ATP9A: variants seen among roughly 807,000 people sequenced by gnomAD.
ATP9A encodes the protein probable phospholipid-transporting ATPase IIA.
A neutral mutation model predicts 144.1 loss-of-function variants in ATP9A; 52 were observed. The ratio of observed to expected loss-of-function variants is 0.36; its 90% CI spans 0.29 to 0.45. ATP9A has a LOEUF of 0.45. Among genes scored for constraint, ATP9A ranks in the 20% least tolerant of loss-of-function variants. ATP9A has a pLI of 1.00. For missense variants in ATP9A, 947 were observed against 1,392.7 expected, an observed-to-expected ratio of 0.68 and a Z score of 5.09; for synonymous variants, 582 against 557.4, an observed-to-expected ratio of 1.04 and a Z score of -0.62.
Position 51,736,309 on chromosome 20 carries a change from A to G in ATP9A, c.69-6331T>C, listed in dbSNP as rs570209925. ...GGGCAAGGAGTCTAGATGTTACTCC[A>G]TACACAGTGTGGATCATTTGAAGGT... is the stretch of plus-strand genomic sequence containing the variant. On this transcript the variant is annotated intron_variant, in intron 1 of 27. Coordinates refer to ENST00000338821, the MANE Select transcript of ATP9A (RefSeq NM_006045.3). Among the ~76,000 whole-genome samples, 6 of 152,338 alleles carry G rather than the reference A, an allele frequency of 3.9e-5. No homozygotes were observed. In the East Asian group the frequency reaches 1.2e-3, roughly 29 times the overall value.
At chr20:51,681,968 G>C (rs2077501795) in intron 9 of ATP9A, among the ~76,000 whole-genome samples, 1 of 152,054 alleles carries the variant, frequency 6.6e-6, no homozygotes, top group Non-Finnish European at 1.5e-5. Context: ...GTTACCCTTG[G>C]GCAGGTGTGG....
chr20:51,717,816 T>C (rs1014588459), intron 3 of ATP9A, among the ~76,000 whole-genome samples: 2 of 151,964 alleles, frequency 1.3e-5, no homozygotes, highest in Non-Finnish European at 2.9e-5. Flanking sequence ...TAGCCGAGCA[T>C]GGTGGCGCAT....
intron 17 of ATP9A, among the ~76,000 whole-genome samples, chr20:51,625,618 C>A (rs6067853): frequency 0.3 from 46,292 of 151,996 alleles, 7,200 homozygotes; most frequent in Non-Finnish European, 0.33. Context: ...AGTCACTTAA[C>A]CTCTCTGAGC....
At chr20:51,631,111 C>T (rs954168754) in intron 15 of ATP9A, among the ~76,000 whole-genome samples, 7 of 152,234 alleles carry the variant, frequency 4.6e-5, no homozygotes, top group Non-Finnish European at 2.9e-5. Context: ...TTTCAGGCTC[C>T]TTTGGAGGCC....
At chr20:51,606,994 G>A (rs1447095071) in intron 26 of ATP9A, among the ~76,000 whole-genome samples, 1 of 150,658 alleles carries the variant, frequency 6.6e-6, no homozygotes, top group Non-Finnish European at 1.5e-5. Flanking sequence ...AAAGGATTCT[G>A]GGCATGGTGG....
At chr20:51,730,398 G>T (rs776274592) in intron 1 of ATP9A, among the ~76,000 whole-genome samples, 2 of 152,216 alleles carry the variant, frequency 1.3e-5, no homozygotes, top group Non-Finnish European at 2.9e-5. Context: ...AAACCAAGAG[G>T]CGGAGGTCGC....
chr20:51,725,458 C>T (rs1252305780), intron 3 of ATP9A, among the ~76,000 whole-genome samples: 1 of 152,112 alleles, frequency 6.6e-6, no homozygotes, highest in Non-Finnish European at 1.5e-5. Context: ...ATTTGGGATG[C>T]TCAACCTGTG....
intron 14 of ATP9A, among the ~76,000 whole-genome samples, chr20:51,642,634 G>C (rs1219268840): frequency 6.8e-6 from 1 of 147,160 alleles, no homozygotes; most frequent in African/African-American, 2.5e-5. Context: ...GCTGAGATGG[G>C]AAGATTGATT....
chr20:51,644,322 G>T lies in ATP9A; in HGVS notation c.1507-4818C>A, dbSNP rs372906840. Reference sequence around the variant, plus strand: ...GAGTCTCACTCTTTTGCCCAGGTTGGAGTGCAGTGGCGCGATCTCGGCTCA... The same window carrying T: ...GAGTCTCACTCTTTTGCCCAGGTTGTAGTGCAGTGGCGCGATCTCGGCTCA... On this transcript the variant is annotated intron_variant, in intron 14 of 27. Transcript: ENST00000338821. 3.1e-4 allele frequency among the ~76,000 whole-genome samples: 41 copies of T among 130,904 alleles called. No individual in the cohort carries two copies. The East Asian group carries it at 5.7e-3, about 18-fold the overall frequency. The allele number at this position is 130,904 out of a possible 152,430, so 85.9% of individuals were successfully genotyped here. A position where few individuals can be genotyped will look rare whatever the true frequency, so the allele number is the denominator to read the frequency against.
chr20:51,632,913 A>G (rs897934451), intron 15 of ATP9A, among the ~76,000 whole-genome samples: 1 of 152,170 alleles, frequency 6.6e-6, no homozygotes, highest in African/African-American at 2.4e-5. Context: ...ACCTGAGGTC[A>G]GGAGTTCGAG....
chr20:51,727,930 C>A (rs1426290310), intron 2 of ATP9A, among the ~76,000 whole-genome samples: 3 of 134,092 alleles, frequency 2.2e-5, no homozygotes, highest in African/African-American at 2.7e-5. Context: ...GACTCAGTCT[C>A]AAAAAAAAAA....
At chr20:51,708,665 G>T (rs930482746) in intron 4 of ATP9A, among the ~76,000 whole-genome samples, 1 of 152,176 alleles carries the variant, frequency 6.6e-6, no homozygotes, top group Non-Finnish European at 1.5e-5. Context: ...GAATCCAGGA[G>T]GTGGAGGTTG....
In ATP9A at chr20:51,618,955, T is replaced by C; in HGVS notation, c.2204A>G (p.Glu735Gly). 2 of 1,613,976 alleles carry C rather than the reference T, an allele frequency of 1.2e-6. No homozygotes were observed. The highest frequency in any genetic ancestry group is 1.7e-6 in the Non-Finnish European group (2 of 1,179,946). ...GCTCTCAGGGGTCCCCAAGCTCACC[T>C]CCAGGGAGTCTCCCGAGATGACCAG... ...CALVISGDSL[E>G]VCLKYYEYEF... The change falls in exon 20 of 28, where the codon GAG becomes GGG. Residue 735 changes from glutamate to glycine, a missense_variant and splice_region_variant. This residue lies in a region of ATP9A where 770 missense variants were observed against 1,047.9 expected (regional missense o/e 0.73). Coordinates refer to ENST00000338821, the MANE Select transcript of ATP9A (RefSeq NM_006045.3).
chr20:51,744,950 C>T (rs1486841487), intron 1 of ATP9A, among the ~76,000 whole-genome samples: 1 of 151,894 alleles, frequency 6.6e-6, no homozygotes, highest in African/African-American at 2.4e-5. Flanking sequence ...GCCAACATGA[C>T]GAAACCTTGT....
At chr20:51,708,695 T>C (rs2077624963) in intron 4 of ATP9A, among the ~76,000 whole-genome samples, 1 of 152,154 alleles carries the variant, frequency 6.6e-6, no homozygotes, top group Non-Finnish European at 1.5e-5. Context: ...GAGATCACGC[T>C]ACTGCACTCT....
chr20:51,641,497 A>G (rs1307401236), intron 14 of ATP9A, among the ~76,000 whole-genome samples: 3 of 151,828 alleles, frequency 2.0e-5, no homozygotes, highest in Admixed American at 6.6e-5. Context: ...CCACCTGGAC[A>G]CAGAGTAAGA....
intron 18 of ATP9A, 89 bp from the exon 19 acceptor site, chr20:51,622,261 C>G: frequency 9.5e-7 from 1 of 1,056,790 alleles, no homozygotes; most frequent in South Asian, 1.3e-5. Flanking sequence ...CAACATGGAG[C>G]TGAACTTGGT....
intron 24 of ATP9A, among the ~76,000 whole-genome samples, chr20:51,609,764 C>A (rs2077178135): frequency 6.6e-6 from 1 of 152,164 alleles, no homozygotes. Flanking sequence ...TTTATTAAGA[C>A]CCCAGTGAAA....
chr20:51,690,297 G>A (rs1453917326), intron 8 of ATP9A, among the ~76,000 whole-genome samples: 1 of 151,816 alleles, frequency 6.6e-6, no homozygotes, highest in Non-Finnish European at 1.5e-5. Context: ...GCGGGCGCCT[G>A]TAATCCCAGC....
Sources: allele counts gnomAD v4.1 joint callset (sites outside exome capture counted in the v4.1 genomes callset), GRCh38; gene constraint gnomAD v4.1.1; regional missense constraint gnomAD v4.1.1; transcripts MANE v1.5; gene names NCBI Gene and HGNC (gene_info 2026-07-23, HGNC 2026-07-21).